The following TENM1 variants were observed in gnomAD, a reference collection of about 807,000 sequenced individuals.
TENM1 encodes the protein teneurin transmembrane protein 1.
A neutral mutation model predicts 174.8 loss-of-function variants in TENM1; 35 were observed. The observed-to-expected ratio is 0.20, with a 90% confidence interval of 0.15 to 0.27. The LOEUF is 0.27. Among genes scored for constraint, TENM1 ranks in the 10% least tolerant of loss-of-function variants. The pLI is 1.00. For missense variants in TENM1, 1,633 were observed against 2,130.1 expected (o/e 0.77, Z 4.59); for synonymous variants, 781 against 798.7 (o/e 0.98, Z 0.37).
chrX:124,494,241 T>C (rs1015115016), intron 20 of TENM1, among the ~76,000 whole-genome samples: 1 of 112,084 alleles, frequency 8.9e-6, no homozygotes, highest in African/African-American at 3.2e-5. Context: ...GTCTATGCTC[T>C]TCTAGTCACT....
chrX:124,856,584 T>C (rs931096094), intron 3 of TENM1, among the ~76,000 whole-genome samples: 2 of 111,381 alleles, frequency 1.8e-5, no homozygotes, highest in African/African-American at 3.3e-5. Context: ...GTAATTATTC[T>C]TTTGCTTCTA....
intron 23 of TENM1, among the ~76,000 whole-genome samples, chrX:124,441,136 C>G (rs1455379723): frequency 8.9e-6 from 1 of 111,882 alleles, no homozygotes; most frequent in Non-Finnish European, 1.9e-5. Context: ...TGGAGAAACT[C>G]AGGCTCAGAG....
chrX:125,201,591 T>G, the TENM1 span, among the ~76,000 whole-genome samples: 424 of 112,418 alleles, frequency 3.8e-3, no homozygotes, highest in Non-Finnish European at 6.3e-3. Context: ...TATGAAAATG[T>G]TAACATTTCT....
intron 1 of TENM1, among the ~76,000 whole-genome samples, chrX:124,954,561 G>A (rs1271858074): frequency 9.0e-6 from 1 of 111,399 alleles, no homozygotes; most frequent in Non-Finnish European, 1.9e-5. Flanking sequence ...CTGTGGTTTT[G>A]GCACTAAGTG....
rs765440784 is a variant in TENM1 at position 124,861,760 on chromosome X, A to G, written c.535+32536T>C. Among the ~76,000 whole-genome samples the G allele has an allele frequency of 8.0e-5, 9 of 112,374 alleles. No individual in the cohort carries two copies. In the East Asian group the frequency reaches 1.7e-3, roughly 21 times the overall value. On this transcript the variant is annotated intron_variant, in intron 3 of 31. Transcript: ENST00000422452. ...TCGACCTATTTGACAATTTTGATCA[A>G]CTTGCTTATTTTCATAAATCACTCA... is the stretch of plus-strand genomic sequence containing the variant.
the TENM1 span, among the ~76,000 whole-genome samples, chrX:125,151,911 G>A: frequency 9.0e-6 from 1 of 111,449 alleles, no homozygotes; most frequent in Non-Finnish European, 1.9e-5. Context: ...TGAATATATC[G>A]ATACTTCATA....
intron 11 of TENM1, among the ~76,000 whole-genome samples, chrX:124,620,254 G>A (rs2050487869): frequency 9.0e-6 from 1 of 110,602 alleles, no homozygotes; most frequent in South Asian, 3.8e-4. Flanking sequence ...CTCTTTTCTC[G>A]GAATGAATGG....
chrX:124,704,843 A>G (rs1375241510), intron 5 of TENM1, among the ~76,000 whole-genome samples, 170 bp downstream of exon 8: 3 of 108,817 alleles, frequency 2.8e-5, no homozygotes, highest in African/African-American at 1.0e-4. Context: ...CCTCAGCAGT[A>G]TTTAAGGTTA....
At chrX:125,076,932 A>G in the TENM1 span, among the ~76,000 whole-genome samples, 1 of 110,572 alleles carries the variant, frequency 9.0e-6, no homozygotes. Context: ...CCCTCAAAGG[A>G]TGATCTGCTC....
chrX:124,410,165 A>T (rs1013859453), intron 25 of TENM1, among the ~76,000 whole-genome samples: 1 of 111,682 alleles, frequency 9.0e-6, no homozygotes, highest in African/African-American at 3.3e-5. Flanking sequence ...CTGGTACCAA[A>T]ACAGAGATAT....
chrX:124,774,391 G>A (rs1187952124), intron 3 of TENM1, among the ~76,000 whole-genome samples: 1 of 110,130 alleles, frequency 9.1e-6, no homozygotes, highest in Non-Finnish European at 1.9e-5. Context: ...AAATGTTAAG[G>A]GTCATGGAGG....
chrX:125,163,676 A>T, the TENM1 span, among the ~76,000 whole-genome samples: 8 of 111,885 alleles, frequency 7.2e-5, no homozygotes, highest in African/African-American at 2.3e-4. Context: ...GATTATTTTT[A>T]AAATGACATA....
the TENM1 span, among the ~76,000 whole-genome samples, chrX:125,186,242 T>A: frequency 8.9e-6 from 1 of 111,871 alleles, no homozygotes; most frequent in Non-Finnish European, 1.9e-5. Context: ...CCAGAGAGAT[T>A]AAATGGCTTT....
intron 3 of TENM1, among the ~76,000 whole-genome samples, chrX:124,876,960 C>T (rs1217533731): frequency 9.0e-6 from 1 of 111,724 alleles, no homozygotes; most frequent in Non-Finnish European, 1.9e-5. Flanking sequence ...ACTGCTTATG[C>T]CTATAAGAAT....
chrX:124,993,606 T>A, the TENM1 span, among the ~76,000 whole-genome samples: 2 of 110,264 alleles, frequency 1.8e-5, no homozygotes, highest in African/African-American at 6.6e-5. Context: ...CAACTGAGGA[T>A]GAGAGGAAGC....
chrX:124,657,787 C>A (rs1051349281), intron 6 of TENM1, among the ~76,000 whole-genome samples: 3 of 111,580 alleles, frequency 2.7e-5, no homozygotes, highest in Non-Finnish European at 3.8e-5. Context: ...TGGTATAGCC[C>A]ATAACAGCAA....
intron 1 of TENM1, among the ~76,000 whole-genome samples, chrX:124,930,758 A>G (rs965439450): frequency 3.6e-5 from 4 of 111,613 alleles, no homozygotes; most frequent in African/African-American, 1.3e-4. Context: ...ACCCTCAAAT[A>G]CCTATAAAAT....
the TENM1 span, among the ~76,000 whole-genome samples, chrX:124,989,308 A>C: frequency 1.8e-5 from 2 of 111,840 alleles, no homozygotes; most frequent in Non-Finnish European, 3.8e-5. Context: ...AAAAAGCATA[A>C]AATATTTTTA....
At chrX:124,441,465 C>T (rs918356417) in intron 23 of TENM1, among the ~76,000 whole-genome samples, 4 of 112,238 alleles carry the variant, frequency 3.6e-5, no homozygotes, top group African/African-American at 1.3e-4. Context: ...GCTAAGTTAA[C>T]AATGCCTTCC....
Sources: allele counts gnomAD v4.1 joint callset (sites outside exome capture counted in the v4.1 genomes callset), GRCh38; gene constraint gnomAD v4.1.1; transcripts MANE v1.5; gene names NCBI Gene and HGNC (gene_info 2026-07-23, HGNC 2026-07-21).